Variants in LSMEM2 observed in about 807,000 individuals in gnomAD.
LSMEM2 encodes the protein leucine rich single-pass membrane protein 2.
LSMEM2 carries 20 observed loss-of-function variants against 17.3 expected under a neutral mutation model. That is an observed-to-expected ratio of 1.16 (90% confidence interval 0.81 to 1.68). The LOEUF is 1.68. LSMEM2 is among the 40% of genes most tolerant of loss of function. The probability of loss-of-function intolerance (pLI) is 0.00; values close to 1 mark genes in which losing one functional copy is unlikely to be tolerated. For missense variants in LSMEM2, 207 were observed against 214.3 expected (o/e 0.97, Z 0.21); for synonymous variants, 94 against 97.8 (o/e 0.96, Z 0.23).
intron 1 of LSMEM2, among the ~76,000 whole-genome samples, chr3:50,282,373 T>G (rs1701421793): frequency 6.6e-6 from 1 of 152,172 alleles, no homozygotes; most frequent in Non-Finnish European, 1.5e-5. Flanking sequence ...GTACTTGCTT[T>G]TGAGCACGTC....
In LSMEM2 at chr3:50,287,458, GCTC is replaced by G. The variant is rs1217443775; in HGVS notation, c.*262_*264del. ...CAGGGGAAGGGGCACCAGCCTCCTGGCTCCTCCTGTGGCCTGTCAACACTCTCT... is the reference window on the plus strand; with the variant it reads ...CAGGGGAAGGGGCACCAGCCTCCTGGCTCCTGTGGCCTGTCAACACTCTCT... On this transcript the variant is annotated 3_prime_UTR_variant, in exon 4 of 4. Transcript: ENST00000316436. 1.8e-6 allele frequency: 1 copy of G among 546,974 alleles called. No homozygotes were observed. The highest frequency in any genetic ancestry group is 3.3e-6 in the Non-Finnish European group (1 of 304,706). The allele number at this position is 546,974 out of a possible 1,614,324, so 33.9% of individuals were successfully genotyped here. A position where few individuals can be genotyped will look rare whatever the true frequency, so the allele number is the denominator to read the frequency against.
rs1403393928 is a variant in LSMEM2, at chr3:50,287,287, G to A, written c.*85G>A. On this transcript the variant is annotated 3_prime_UTR_variant, in exon 4 of 4. Transcript: ENST00000316436. ...GGCAGGTCTCTCCTTCCCTACTGCTGGCTGCCACATCTACACTATTTCCTT... is the reference window on the plus strand; with the variant it reads ...GGCAGGTCTCTCCTTCCCTACTGCTAGCTGCCACATCTACACTATTTCCTT... 1 of 1,532,440 alleles carries A rather than the reference G, an allele frequency of 6.5e-7. No homozygotes were observed. The highest frequency in any genetic ancestry group is 2.3e-5 in the East Asian group (1 of 43,728). The allele number at this position is 1,532,440 out of a possible 1,614,324, so 94.9% of individuals were successfully genotyped here. A position where few individuals can be genotyped will look rare whatever the true frequency, so the allele number is the denominator to read the frequency against.
intron 1 of LSMEM2, among the ~76,000 whole-genome samples, chr3:50,284,682 G>A (rs782290779): frequency 1.3e-5 from 2 of 151,794 alleles, no homozygotes; most frequent in African/African-American, 2.4e-5. Context: ...GCGGTGAACT[G>A]TGATCACTCC....
rs1185842021 is a variant in LSMEM2, at chr3:50,286,833, T to C, written c.332T>C (p.Val111Ala). ...GCGCTGCTGGTGCTCACTTGCCTAG[T>C]GCTCGCACTCCTGGCTGTCTACCTG... ...LLALLVLTCL[V>A]LALLAVYLSV... The change falls in exon 3 of 4, where the codon GTG (valine) becomes GCG (alanine). Residue 111 changes from valine to alanine, a missense_variant. Coordinates refer to ENST00000316436, the MANE Select transcript of LSMEM2 (RefSeq NM_153215.3). 1.9e-6 allele frequency: 3 copies of C among 1,613,804 alleles called. No homozygotes were observed. Among genetic ancestry groups the C allele is most frequent in the Admixed American group, 3.3e-5 (2 of 59,984 alleles).
At chr3:50,278,465 A>G (rs1236593314), upstream of LSMEM2, among the ~76,000 whole-genome samples, 1 of 152,186 alleles carries the variant, frequency 6.6e-6, no homozygotes, top group African/African-American at 2.4e-5. Flanking sequence ...GACTTTACAC[A>G]TGAGCAAACT....
At chr3:50,280,712 G>A (rs1411829088) in intron 1 of LSMEM2, among the ~76,000 whole-genome samples, 3 of 151,328 alleles carry the variant, frequency 2.0e-5, no homozygotes, top group South Asian at 2.1e-4. Context: ...TCCTGCCTCA[G>A]CCTCCTGAGT....
At position 50,286,492 on chromosome 3, in the gene LSMEM2, C is replaced by G. The variant is rs1553708466; in HGVS notation, c.80C>G (p.Pro27Arg). The G allele has an allele frequency of 6.2e-7, 1 of 1,608,352 alleles. No homozygotes were observed. Among genetic ancestry groups the G allele is most frequent in the Non-Finnish European group, 8.5e-7 (1 of 1,178,184 alleles). ...TQEDSVAPMM[P>R]SQRSRGPLAP... Reference sequence around the variant, plus strand: ...GCAGACTCCGTGGCGCCAATGATGCCCAGCCAGAGGAGCAGGGGGCCATTG... The same window carrying G: ...GCAGACTCCGTGGCGCCAATGATGCGCAGCCAGAGGAGCAGGGGGCCATTG... The change falls in exon 2 of 4, where the codon CCC (proline) becomes CGC (arginine). Residue 27 changes from proline to arginine, a missense_variant. Transcript: ENST00000316436.
rs782556007 is a variant in LSMEM2, at chr3:50,286,559, G to A, written c.147G>A (p.Glu49=). The change falls in exon 2 of 4, where the codon GAG becomes GAA. Residue 49 remains glutamate, a synonymous_variant. Transcript: ENST00000316436. ...ATGAGGTATGCCTGCACCAGGTGGA[G>A]TCCATCAGCGACCTACATAGTGGAG... ...HVHEVCLHQV[E]SISDLHSGAG... The A allele has an allele frequency of 2.5e-6, 4 of 1,612,372 alleles. No individual in the cohort carries two copies. The South Asian group carries it at 4.4e-5, about 18-fold the overall frequency.
At chr3:50,287,016 C>T in intron 3 of LSMEM2, 53 bp from the exon 4 acceptor site, 1 of 1,607,684 alleles carries the variant, frequency 6.2e-7, no homozygotes. Context: ...GCTGGGTCTG[C>T]AGGGGTCACG....
intron 1 of LSMEM2, among the ~76,000 whole-genome samples, chr3:50,281,781 C>T (rs80123163): frequency 6.7e-6 from 1 of 149,884 alleles, no homozygotes; most frequent in Non-Finnish European, 1.5e-5. Context: ...TGGACTCAAG[C>T]AACCCTCCCA....
intron 1 of LSMEM2, among the ~76,000 whole-genome samples, chr3:50,284,575 C>T (rs1188589607): frequency 1.3e-5 from 2 of 151,404 alleles, no homozygotes; most frequent in Non-Finnish European, 2.9e-5. Context: ...ACAAAAAATA[C>T]AAAAAAAATT....
chr3:50,287,418 T>C lies in LSMEM2; in HGVS notation c.*216T>C. On this transcript the variant is annotated 3_prime_UTR_variant, in exon 4 of 4. Coordinates refer to ENST00000316436, the MANE Select transcript of LSMEM2 (RefSeq NM_153215.3). The stretch of plus-strand genomic sequence containing the variant: ...AGCCTCTGGTGCCAAAGCCTCGCTT[T>C]GGGTGGCCCAAGGTCAGGGGAAGGG... 1 of 669,932 alleles carries C rather than the reference T, an allele frequency of 1.5e-6. No homozygotes were observed. The highest frequency in any genetic ancestry group is 2.5e-6 in the Non-Finnish European group (1 of 405,470). The allele number at this position is 669,932 out of a possible 1,614,324, so 41.5% of individuals were successfully genotyped here.
rs372954818 is a variant in LSMEM2 at position 50,286,530 on chromosome 3, G to A, written c.118G>A (p.Val40Met). The A allele has an allele frequency of 1.4e-5, 22 of 1,612,226 alleles. No individual in the cohort carries two copies. The highest frequency in any genetic ancestry group is 5.5e-5 in the South Asian group (5 of 90,698). Residue 40 changes from valine (V) to methionine (M), a missense_variant, in exon 2 of 4, where the codon GTG (valine) becomes ATG (methionine). Transcript: ENST00000316436. ...RSRGPLAPNH[V>M]HEVCLHQVES... Reference sequence around the variant, plus strand: ...CAGGGGGCCATTGGCCCCCAACCACGTGCATGAGGTATGCCTGCACCAGGT... The same window carrying A: ...CAGGGGGCCATTGGCCCCCAACCACATGCATGAGGTATGCCTGCACCAGGT...
At position 50,286,718 on chromosome 3, in the gene LSMEM2, G is replaced by A. The variant is rs782402509; in HGVS notation, c.217G>A (p.Asp73Asn). The A allele has an allele frequency of 2.8e-5, 46 of 1,614,150 alleles. No homozygotes were observed. The highest frequency in any genetic ancestry group is 3.7e-5 in the Non-Finnish European group (44 of 1,180,058). The stretch of plus-strand genomic sequence containing the variant: ...TCTAACTGAAGAGGCACGACCGTGG[G>A]ATGAGCTGCTGGGCGTTTTGCCGCC... ...PYLTEEARPW[D>N]ELLGVLPPSL... The change falls in exon 3 of 4, where the codon GAT becomes AAT. Residue 73 changes from aspartate to asparagine, a missense_variant. Transcript: ENST00000316436.
chr3:50,287,603 C>T lies in LSMEM2; in HGVS notation c.*401C>T. The T allele has an allele frequency of 3.8e-6, 1 of 259,854 alleles. No individual in the cohort carries two copies. The allele number at this position is 259,854 out of a possible 1,614,324, so 16.1% of individuals were successfully genotyped here. On this transcript the variant is annotated 3_prime_UTR_variant, in exon 4 of 4. Transcript: ENST00000316436. ...CCTCAGCTCTTAAAGACAGGCTGGGCTCTGAGTAGGGGGAGAGGCACCACC... is the reference window on the plus strand; with the variant it reads ...CCTCAGCTCTTAAAGACAGGCTGGGTTCTGAGTAGGGGGAGAGGCACCACC...
Position 50,286,664 on chromosome 3 carries a change from A to G in LSMEM2, c.173-10A>G, listed in dbSNP as rs1701546420. ...GCACCCACCACCCTCCCAATGTCCC[A>G]TCCACCCAGCAGGCACACTGCGCCC... On this transcript the variant is annotated splice_polypyrimidine_tract_variant and intron_variant, in intron 2 of 3. Coordinates refer to ENST00000316436, the MANE Select transcript of LSMEM2 (RefSeq NM_153215.3). 7.4e-6 allele frequency: 12 copies of G among 1,612,766 alleles called. No individual in the cohort carries two copies. Among genetic ancestry groups the G allele is most frequent in the South Asian group, 1.1e-5 (1 of 91,022 alleles).
Position 50,288,035 on chromosome 3 carries a change from T to C in LSMEM2, c.*833T>C. ...GGGACAAAGGGGTCAGGGTCCCAAG[T>C]GTCCGGGCCCCCAGCTACCCACCCC... On this transcript the variant is annotated 3_prime_UTR_variant, in exon 4 of 4. Coordinates refer to ENST00000316436, the MANE Select transcript of LSMEM2 (RefSeq NM_153215.3). 1 of 659,468 alleles carries C rather than the reference T, an allele frequency of 1.5e-6. No homozygotes were observed. Among genetic ancestry groups the C allele is most frequent in the Non-Finnish European group, 2.7e-6 (1 of 369,200 alleles). 40.9% of individuals were successfully genotyped at this position (659,468 alleles called of 1,614,324 possible).
At chr3:50,286,436 A>G (rs782503355) in intron 1 of LSMEM2, 35 bp from the exon 2 acceptor site, 2 of 1,556,984 alleles carry the variant, frequency 1.3e-6, no homozygotes, top group Admixed American at 3.9e-5. Context: ...GGGTTGACCC[A>G]CCACTGGCTA....
intron 1 of LSMEM2, among the ~76,000 whole-genome samples, chr3:50,280,345 A>C (rs1553707609): frequency 6.6e-6 from 1 of 150,404 alleles, no homozygotes; most frequent in Non-Finnish European, 1.5e-5. Flanking sequence ...AGTAGAGACA[A>C]GGTTTCACCG....
Sources: gnomAD v4.1 joint callset for allele counts (sites outside exome capture counted in the v4.1 genomes callset) on GRCh38, gnomAD v4.1.1 for gene constraint, MANE v1.5 for transcripts, NCBI Gene and HGNC (gene_info 2026-07-23, HGNC 2026-07-21) for gene names.